PPFIBP2: variants seen among roughly 807,000 people sequenced by gnomAD.
PPFIBP2 encodes PPFIB scaffold protein 2.
PPFIBP2 carries 118 observed loss-of-function variants against 118.3 expected under a neutral mutation model. That is an observed-to-expected ratio of 1.00 (90% CI 0.86 to 1.16). The LOEUF is 1.16. Ranked by LOEUF, PPFIBP2 falls within the 50% of genes most tolerant of loss-of-function variation. The pLI is 0.00. For synonymous variants in PPFIBP2, 414 were observed against 397.4 expected (o/e 1.04, Z -0.50); for missense variants, 1,195 against 1,073.1 (o/e 1.11, Z -1.59).
intron 1 of PPFIBP2, among the ~76,000 whole-genome samples, chr11:7,540,939 T>C (rs1163873309): frequency 6.6e-6 from 1 of 152,134 alleles, no homozygotes; most frequent in East Asian, 1.9e-4. Context: ...GCCTTAGTGA[T>C]AAGGCATCTG....
At chr11:7,563,788 C>G (rs1211175557) in intron 2 of PPFIBP2, among the ~76,000 whole-genome samples, 2 of 152,174 alleles carry the variant, frequency 1.3e-5, no homozygotes, top group East Asian at 1.9e-4. Context: ...TAGACTGTTG[C>G]CCCAGTTTTG....
intron 6 of PPFIBP2, among the ~76,000 whole-genome samples, chr11:7,612,149 TCA>T (rs946985743): frequency 6.6e-6 from 1 of 152,332 alleles, no homozygotes; most frequent in Admixed American, 6.5e-5. Context: ...CCGGGTAATC[TCA>T]CAGTGTCACT....
At chr11:7,605,350 A>G (rs978354565) in intron 5 of PPFIBP2, among the ~76,000 whole-genome samples, 3 of 152,366 alleles carry the variant, frequency 2.0e-5, no homozygotes, top group African/African-American at 7.2e-5. Context: ...AGAGGGAGAC[A>G]TGGTAGGGGT....
intron 5 of PPFIBP2, among the ~76,000 whole-genome samples, chr11:7,601,374 C>T (rs563241371): frequency 2.0e-5 from 3 of 152,270 alleles, no homozygotes; most frequent in South Asian, 2.1e-4. Flanking sequence ...CATGAGCCCA[C>T]CTAGATTATG....
chr11:7,662,910 A>G, the PPFIBP2 span, among the ~76,000 whole-genome samples: 94,403 of 124,326 alleles, frequency 0.76, 36,952 homozygotes, highest in African/African-American at 0.8. Flanking sequence ...ATCTTCCATC[A>G]CTGATACCCT....
intron 23 of PPFIBP2, among the ~76,000 whole-genome samples, chr11:7,652,047 G>C (rs554739879): frequency 6.2e-4 from 95 of 152,390 alleles, no homozygotes; most frequent in Non-Finnish European, 9.8e-4. Flanking sequence ...AAGGAAGACA[G>C]TGCAGGTTTC....
At chr11:7,607,419 C>G (rs1379737395) in intron 5 of PPFIBP2, among the ~76,000 whole-genome samples, 2 of 151,590 alleles carry the variant, frequency 1.3e-5, no homozygotes, top group Admixed American at 1.3e-4. Flanking sequence ...CAGGGTTCCA[C>G]TATGTTGTCT....
Position 7,651,713 on chromosome 11 carries a change from C to A in PPFIBP2, c.2305C>A (p.Gln769Lys), listed in dbSNP as rs1457802104. ...GGCTATGCTTCTCAACATCCCCCCA[C>A]AAAAGACGCTCCTCAGGCGCCACCT... ...TLAMLLNIPP[Q>K]KTLLRRHLTT... Residue 769 changes from glutamine (Q) to lysine (K), a missense_variant, in exon 23 of 24, where the codon CAA becomes AAA. Physicochemically the swap from Gln to Lys is moderately conservative, Grantham distance 53. Coordinates refer to ENST00000299492, the MANE Select transcript of PPFIBP2 (RefSeq NM_003621.5). 2 of 1,613,796 alleles carry A rather than the reference C, an allele frequency of 1.2e-6. No homozygotes were observed. Among genetic ancestry groups the A allele is most frequent in the Non-Finnish European group, 1.7e-6 (2 of 1,179,770 alleles).
chr11:7,627,898 T>C (rs1201777350), intron 8 of PPFIBP2, among the ~76,000 whole-genome samples: 1 of 152,224 alleles, frequency 6.6e-6, no homozygotes, highest in Non-Finnish European at 1.5e-5. Context: ...CTACAATTTG[T>C]CAGACTGTAT....
rs1437706272 is a variant in PPFIBP2, at chr11:7,625,900, C to G, written c.826+9C>G. ...GAGTCACACAGAGAGAGGTGACTAG[C>G]TTGACTCTGACAAAATGCAGTTGTC... is the stretch of plus-strand genomic sequence containing the variant. On this transcript the variant is annotated intron_variant, in intron 8 of 23. Coordinates refer to ENST00000299492, the MANE Select transcript of PPFIBP2 (RefSeq NM_003621.5). 4 of 1,610,934 alleles carry G rather than the reference C, an allele frequency of 2.5e-6. No individual in the cohort carries two copies. In the South Asian group the frequency reaches 4.4e-5, roughly 18 times the overall value.
At chr11:7,557,200 C>G (rs571093965) in intron 2 of PPFIBP2, among the ~76,000 whole-genome samples, 21 of 151,726 alleles carry the variant, frequency 1.4e-4, no homozygotes, top group Admixed American at 3.9e-4. Flanking sequence ...GCTATTTAAC[C>G]TGTTCACTTA....
At chr11:7,610,128 A>G (rs1847886476) in intron 5 of PPFIBP2, among the ~76,000 whole-genome samples, 163 bp from the exon 6 acceptor site, 1 of 152,208 alleles carries the variant, frequency 6.6e-6, no homozygotes, top group Non-Finnish European at 1.5e-5. Flanking sequence ...GCCCAGCATC[A>G]GCCCAGGCCC....
intron 1 of PPFIBP2, among the ~76,000 whole-genome samples, chr11:7,541,314 C>T (rs773204318): frequency 7.2e-5 from 11 of 151,978 alleles, no homozygotes; most frequent in Admixed American, 2.6e-4. Flanking sequence ...GAGGGCTGTT[C>T]GGAGGAGGGT....
At position 7,650,769 on chromosome 11, in the gene PPFIBP2, GC is replaced by G. The variant is rs558804691; in HGVS notation, c.2122-70del. On this transcript the variant is annotated intron_variant, in intron 21 of 23. Transcript: ENST00000299492. ...GTCTGGGGCAGGGTTACTTACCGGG[GC>G]TGACTCCACAGAGGACCATGGTGGG... 5.9e-4 allele frequency: 900 copies of G among 1,536,464 alleles called. 15 individuals are homozygous for G. The South Asian group carries it at 0.01, about 18-fold the overall frequency.
intron 1 of PPFIBP2, among the ~76,000 whole-genome samples, chr11:7,540,774 AGAT>A (rs1387059010): frequency 6.6e-6 from 1 of 152,216 alleles, no homozygotes; most frequent in Non-Finnish European, 1.5e-5. Flanking sequence ...GGATGAAAAA[AGAT>A]GATCAGGGAG....
chr11:7,514,666 T>A (rs1286337263), intron 1 of PPFIBP2, among the ~76,000 whole-genome samples: 1 of 152,200 alleles, frequency 6.6e-6, no homozygotes, highest in Admixed American at 6.5e-5. Context: ...CGCGTCCCAG[T>A]AGACTGCAGG....
At chr11:7,612,386 A>G (rs1353741398) in intron 6 of PPFIBP2, among the ~76,000 whole-genome samples, 1 of 152,120 alleles carries the variant, frequency 6.6e-6, no homozygotes, top group Admixed American at 6.6e-5. Context: ...TACACCAGTC[A>G]CCGCAGGGAT....
chr11:7,516,388 A>G (rs1293621279), intron 1 of PPFIBP2, among the ~76,000 whole-genome samples: 1 of 152,162 alleles, frequency 6.6e-6, no homozygotes, highest in East Asian at 1.9e-4. Flanking sequence ...CAGTCTCTAG[A>G]CTGATTAGAT....
chr11:7,604,025 A>G (rs1003834318), intron 5 of PPFIBP2, among the ~76,000 whole-genome samples: 1 of 152,058 alleles, frequency 6.6e-6, no homozygotes, highest in African/African-American at 2.4e-5. Context: ...GGATTCCACC[A>G]TGAAGGTCAG....
Sources: allele counts gnomAD v4.1 joint callset (sites outside exome capture counted in the v4.1 genomes callset), GRCh38; gene constraint gnomAD v4.1.1; transcripts MANE v1.5; gene names NCBI Gene and HGNC (gene_info 2026-07-23, HGNC 2026-07-21).